Variants in CACNA1C observed in about 807,000 individuals in gnomAD.
CACNA1C encodes the protein voltage-dependent L-type calcium channel subunit alpha-1C.
In CACNA1C, 30 loss-of-function variants were observed where a neutral mutation model predicts 229.0. That is an observed-to-expected ratio of 0.13 (90% CI 0.10 to 0.18). The LOEUF is 0.18. Among genes scored for constraint, CACNA1C ranks in the 10% least tolerant of loss-of-function variants. The pLI is 1.00. For missense variants in CACNA1C, 1,658 were observed against 2,845.0 expected, an observed-to-expected ratio of 0.58 and a Z score of 9.49; for synonymous variants, 1,114 against 1,132.5, an observed-to-expected ratio of 0.98 and a Z score of 0.33.
At chr12:2,314,414 T>C (rs972939137) in intron 3 of CACNA1C, among the ~76,000 whole-genome samples, 3 of 152,202 alleles carry the variant, frequency 2.0e-5, no homozygotes, top group African/African-American at 7.2e-5. Flanking sequence ...GTGCACAGCA[T>C]GAATTCTCAC....
intron 5 of CACNA1C, among the ~76,000 whole-genome samples, chr12:2,472,283 C>T (rs765935433): frequency 2.6e-5 from 4 of 152,050 alleles, no homozygotes; most frequent in African/African-American, 4.8e-5. Flanking sequence ...CATTGGTCCC[C>T]GGGGCTTTGT....
chr12:2,550,840 T>A (rs972685387), intron 10 of CACNA1C, among the ~76,000 whole-genome samples: 2 of 152,124 alleles, frequency 1.3e-5, no homozygotes, highest in East Asian at 3.9e-4. Flanking sequence ...GGAGCCCATG[T>A]TGGGGAGGGA....
chr12:2,191,815 T>C (rs951720550), intron 3 of CACNA1C, among the ~76,000 whole-genome samples: 1 of 109,980 alleles, frequency 9.1e-6, no homozygotes, highest in South Asian at 3.1e-4. Flanking sequence ...CAGGCACACG[T>C]ATGCACACAC....
intron 1 of CACNA1C, among the ~76,000 whole-genome samples, chr12:2,023,362 T>G (rs1356398866): frequency 6.6e-6 from 1 of 152,102 alleles, no homozygotes; most frequent in Non-Finnish European, 1.5e-5. Context: ...AAGGGCTGAG[T>G]TCTGGCAGGA....
intron 1 of CACNA1C, chr12:1,993,502 G>T: frequency 1.5e-6 from 2 of 1,361,832 alleles, no homozygotes; most frequent in South Asian, 2.8e-5. Context: ...TGTATATGCA[G>T]CTTTATATAA....
intron 3 of CACNA1C, among the ~76,000 whole-genome samples, chr12:2,141,365 A>G (rs571882770): frequency 6.6e-6 from 1 of 151,342 alleles, no homozygotes; most frequent in African/African-American, 2.4e-5. Flanking sequence ...TGGTTGCCAG[A>G]GGGCCTGGCC....
chr12:2,307,519 C>T (rs2095135620), intron 3 of CACNA1C, among the ~76,000 whole-genome samples: 1 of 152,110 alleles, frequency 6.6e-6, no homozygotes, highest in African/African-American at 2.4e-5. Context: ...GGTGCTGGGG[C>T]CGAGATTCAT....
intron 10 of CACNA1C, among the ~76,000 whole-genome samples, chr12:2,555,573 G>C (rs2154592486): frequency 6.6e-6 from 1 of 152,322 alleles, no homozygotes; most frequent in African/African-American, 2.4e-5. Context: ...TTGTTTGCTG[G>C]TTAAACTGTG....
At chr12:2,611,105 G>C (rs942685348) in intron 28 of CACNA1C, among the ~76,000 whole-genome samples, 12 of 149,878 alleles carry the variant, frequency 8.0e-5, no homozygotes, top group African/African-American at 3.0e-4. Context: ...TCAATGGAGA[G>C]AGGGGAGGAG....
chr12:2,067,477 T>TGCGCGCGCGC lies in CACNA1C; in HGVS notation c.49+13867_49+13868insCGCGCGCGCG, dbSNP rs2059748127. Among the ~76,000 whole-genome samples, 1 of 131,604 alleles carries TGCGCGCGCGC rather than the reference T, an allele frequency of 7.6e-6. No individual in the cohort carries two copies. The highest frequency in any genetic ancestry group is 2.7e-5 in the African/African-American group (1 of 37,556). 86.3% of individuals were successfully genotyped at this position (131,604 alleles called of 152,430 possible). A position where few individuals can be genotyped will look rare whatever the true frequency, so the allele number is the denominator to read the frequency against. The stretch of plus-strand genomic sequence containing the variant: ...GTGTGTGTGTGTGTGTGTGTGTGTG[T>TGCGCGCGCGC]GTGTGCGCGCGTGTGCGTGCCTGTA... On this transcript the variant is annotated intron_variant, in intron 1 of 46. Transcript: ENST00000399655. This position sits in a 1 kb window ranked among gnomAD's most constrained non-coding sequence, Gnocchi z 5.3.
rs182909936 is a variant in CACNA1C, at chr12:2,678,102, A to T, written c.5091+235A>T. Among the ~76,000 whole-genome samples, 17 of 152,302 alleles carry T rather than the reference A, an allele frequency of 1.1e-4. 1 individual carries two copies. In the East Asian group the frequency reaches 3.3e-3, roughly 29 times the overall value. ...CTCTCAGTGTCACTGGCTCTCAGAG[A>T]AGCGGGAAGGAACCGCCTTCCTAAG... On this transcript the variant is annotated intron_variant, in intron 41 of 46. Coordinates refer to ENST00000399655, the MANE Select transcript of CACNA1C (RefSeq NM_000719.7). This position sits in a 1 kb window ranked among gnomAD's most constrained non-coding sequence, Gnocchi z 4.1.
At chr12:2,620,547 C>T (rs2239122) in intron 29 of CACNA1C, among the ~76,000 whole-genome samples, 111,164 of 151,752 alleles carry the variant, frequency 0.73, 42,899 homozygotes, top group Non-Finnish European at 0.85. Flanking sequence ...TCTCTGAGGC[C>T]CCTTGCCGTC....
intron 29 of CACNA1C, among the ~76,000 whole-genome samples, chr12:2,622,555 C>T (rs1222959687): frequency 2.0e-5 from 3 of 152,190 alleles, no homozygotes; most frequent in African/African-American, 7.2e-5. Flanking sequence ...AGGGCCCTTT[C>T]CTTTTCCCAG....
intron 5 of CACNA1C, among the ~76,000 whole-genome samples, chr12:2,461,167 A>G (rs557032258): frequency 6.6e-6 from 1 of 152,242 alleles, no homozygotes; most frequent in South Asian, 2.1e-4. Context: ...TGCTGCACCA[A>G]AACATCTCCT....
rs544134810 is a variant in CACNA1C, at chr12:2,504,749, G to T, written c.1114-93G>T. On this transcript the variant is annotated intron_variant, in intron 7 of 46. Coordinates refer to ENST00000399655, the MANE Select transcript of CACNA1C (RefSeq NM_000719.7). This position sits in a 1 kb window ranked among gnomAD's most constrained non-coding sequence, Gnocchi z 6.8. The stretch of plus-strand genomic sequence containing the variant: ...ACCTAGAGGGTCCCCGGATCCTGGC[G>T]CTGCGTGGGTCAGTGTCTCGGGAGC... 8.4e-6 allele frequency: 7 copies of T among 831,038 alleles called. No homozygotes were observed. The South Asian group carries it at 1.0e-4, about 12-fold the overall frequency. 51.5% of individuals were successfully genotyped at this position (831,038 alleles called of 1,614,324 possible).
At chr12:2,049,605 T>G (rs2051741932), upstream of CACNA1C, 1 of 152,288 alleles carries the variant, frequency 6.6e-6, no homozygotes, top group South Asian at 2.1e-4. Context: ...TAAACACAGT[T>G]CTCTTCTTGA....
chr12:2,491,414 GAA>G (rs764536459), intron 6 of CACNA1C, among the ~76,000 whole-genome samples: 3 of 152,006 alleles, frequency 2.0e-5, no homozygotes, highest in South Asian at 4.2e-4. Flanking sequence ...CAGTGGGAGA[GAA>G]AGAGAGGAGA....
chr12:2,055,997 T>C (rs909796997), intron 1 of CACNA1C, among the ~76,000 whole-genome samples: 28 of 151,666 alleles, frequency 1.8e-4, no homozygotes, highest in African/African-American at 6.8e-4. Context: ...GGGGTTAGAG[T>C]TTCAGGAGAC....
intron 34 of CACNA1C, among the ~76,000 whole-genome samples, chr12:2,663,631 C>T (rs545228802): frequency 9.2e-5 from 14 of 151,614 alleles, no homozygotes; most frequent in Non-Finnish European, 1.3e-4. Context: ...ATGGGTGCAG[C>T]GAAATGTCAG....
Sources: gnomAD v4.1 joint callset for allele counts (sites outside exome capture counted in the v4.1 genomes callset) on GRCh38, gnomAD v4.1.1 for gene constraint, Gnocchi (gnomAD v3.1) non-coding constraint, MANE v1.5 for transcripts, NCBI Gene and HGNC (gene_info 2026-07-23, HGNC 2026-07-21) for gene names.